Variants in DOCK9 observed in about 807,000 individuals in gnomAD.
The protein encoded by DOCK9 is dedicator of cytokinesis 9, also known as dedicator of cytokinesis protein 9.
A neutral mutation model predicts 263.3 loss-of-function variants in DOCK9; 89 were observed. The observed-to-expected ratio is 0.34, with a 90% CI of 0.28 to 0.40. DOCK9 has a LOEUF of 0.40. DOCK9 is among the 10% of genes least tolerant of loss of function. DOCK9 has a pLI of 1.00. For synonymous variants in DOCK9, 976 were observed against 973.1 expected (o/e 1.00, Z -0.06); for missense variants, 2,140 against 2,603.4 (o/e 0.82, Z 3.87).
At position 98,796,271 on chromosome 13, in the gene DOCK9, C is replaced by T. The variant is rs138415194; in HGVS notation, c.6156+844G>A. On this transcript the variant is annotated intron_variant, in intron 52 of 52. Transcript: ENST00000682017. ...AAGTGAGTTAAAGCTCACACACTGA[C>T]GTTCGTTTCCTGCAATGAAAATGTA... 243 of 1,451,228 alleles carry T rather than the reference C, an allele frequency of 1.7e-4. 2 individuals carry two copies. In the African/African-American group the frequency reaches 3.0e-3, roughly 18 times the overall value. The allele number at this position is 1,451,228 out of a possible 1,614,324, so 89.9% of individuals were successfully genotyped here.
rs532217839 is a variant in DOCK9, at chr13:98,807,743, G to C, written c.5432C>G (p.Ser1811Trp). 1 of 1,613,636 alleles carries C rather than the reference G, an allele frequency of 6.2e-7. No individual in the cohort carries two copies. The highest frequency in any genetic ancestry group is 2.2e-5 in the East Asian group (1 of 44,866). The change falls in exon 48 of 53, where the codon TCG becomes TGG. Residue 1811 changes from serine to tryptophan, a missense_variant. Physicochemically the swap from Ser to Trp is radical, Grantham distance 177 (BLOSUM62 -3). Transcript: ENST00000682017. ...IYKEPKLTPL[S>W]EISQRLLKLY... is the part of the protein sequence containing the mutation. ...TTTAAGGAGTCTCTGAGAAATTTCC[G>C]ACAGCGGTGTGAGTTTGGGTTCCTT... is the stretch of plus-strand genomic sequence containing the variant.
At chr13:98,879,438 C>T (rs1468689568) in intron 27 of DOCK9, among the ~76,000 whole-genome samples, 1 of 152,172 alleles carries the variant, frequency 6.6e-6, no homozygotes, top group Non-Finnish European at 1.5e-5. Context: ...ATACTCCCAT[C>T]TAAGAATAAA....
At chr13:98,884,158 AT>A (rs1594949834) in intron 21 of DOCK9, among the ~76,000 whole-genome samples, 1 of 152,156 alleles carries the variant, frequency 6.6e-6, no homozygotes, top group East Asian at 1.9e-4. Flanking sequence ...GTTATTGTTC[AT>A]TTGAGAGGGA....
At chr13:99,004,362 TA>T (rs1282956611) in intron 1 of DOCK9, among the ~76,000 whole-genome samples, 1 of 152,162 alleles carries the variant, frequency 6.6e-6, no homozygotes, top group Non-Finnish European at 1.5e-5. Flanking sequence ...TCTTCAACAA[TA>T]AAGAAAGCAC....
chr13:98,979,548 G>A (rs548121300), upstream of DOCK9, among the ~76,000 whole-genome samples: 4 of 152,196 alleles, frequency 2.6e-5, no homozygotes, highest in African/African-American at 7.2e-5. Flanking sequence ...GAACCCTTCT[G>A]AGTGTGAATA....
chr13:98,915,066 G>A (rs2050667550), intron 8 of DOCK9, among the ~76,000 whole-genome samples: 1 of 152,160 alleles, frequency 6.6e-6, no homozygotes, highest in South Asian at 2.1e-4. Flanking sequence ...CTGAAATACA[G>A]TATTTATGGC....
Position 98,800,484 on chromosome 13 carries a change from G to C in DOCK9, c.5726-6C>G, listed in dbSNP as rs747928384. ...ATAAGGGAAGCAGTGTATGGCTGCA[G>C]AGGGTAAGCCCCAGAATTACTGCAT... On this transcript the variant is annotated splice_polypyrimidine_tract_variant and splice_region_variant and intron_variant, in intron 49 of 52. Coordinates refer to ENST00000682017, the MANE Select transcript of DOCK9 (RefSeq NM_001366683.2). 3 of 1,613,234 alleles carry C rather than the reference G, an allele frequency of 1.9e-6. No individual in the cohort carries two copies. In the East Asian group the frequency reaches 6.7e-5, roughly 36 times the overall value.
chr13:99,037,811 CACA>C (rs1466572694), intron 1 of DOCK9, among the ~76,000 whole-genome samples: 2 of 152,170 alleles, frequency 1.3e-5, no homozygotes, highest in Admixed American at 6.5e-5. Context: ...TTCTGATACA[CACA>C]ACAACATGGA....
chr13:99,043,445 T>A (rs551715302), intron 1 of DOCK9, among the ~76,000 whole-genome samples: 2 of 152,198 alleles, frequency 1.3e-5, no homozygotes, highest in African/African-American at 4.8e-5. Flanking sequence ...GGCTCTCTTC[T>A]CCCTGAGAAG....
At chr13:98,853,362 CA>C (rs2093623564) in intron 35 of DOCK9, 45 bp downstream of exon 35, 1 of 1,291,738 alleles carries the variant, frequency 7.7e-7, no homozygotes, top group African/African-American at 1.5e-5. Flanking sequence ...CCAAACAAAC[CA>C]AGTGCTGAAA....
intron 11 of DOCK9, 75 bp downstream of exon 11, chr13:98,902,897 G>T: frequency 7.5e-7 from 1 of 1,327,572 alleles, no homozygotes; most frequent in Non-Finnish European, 1.0e-6. Context: ...TTCTTATCCA[G>T]GCTGCACTGT....
At chr13:99,038,617 C>T (rs146493571) in intron 1 of DOCK9, among the ~76,000 whole-genome samples, 15 of 152,124 alleles carry the variant, frequency 9.9e-5, no homozygotes, top group African/African-American at 3.4e-4. Context: ...ATGCCACTTT[C>T]AACTCAAAAC....
intron 37 of DOCK9, chr13:98,847,625 A>T: frequency 6.6e-6 from 1 of 152,238 alleles, no homozygotes; most frequent in Non-Finnish European, 1.5e-5. Flanking sequence ...GAAAAAGAAA[A>T]TCTTCACAAA....
chr13:98,897,455 T>C, intron 15 of DOCK9, 33 bp downstream of exon 15: 2 of 1,611,648 alleles, frequency 1.2e-6, no homozygotes, highest in Non-Finnish European at 1.7e-6. Flanking sequence ...AGCTTCTATT[T>C]TTCAGGTGTG....
At chr13:98,972,167 A>G (rs2059802411) in intron 1 of DOCK9, among the ~76,000 whole-genome samples, 1 of 152,218 alleles carries the variant, frequency 6.6e-6, no homozygotes, top group African/African-American at 2.4e-5. Context: ...CTCGTCTGAA[A>G]AAGAATAGAG....
upstream of DOCK9, among the ~76,000 whole-genome samples, chr13:98,981,151 G>A (rs1293189489): frequency 6.6e-6 from 1 of 151,478 alleles, no homozygotes; most frequent in East Asian, 1.9e-4. Context: ...CCACCTCCTG[G>A]GCTCATGCAA....
chr13:98,908,900 T>C (rs573813189), intron 9 of DOCK9, among the ~76,000 whole-genome samples: 2 of 152,368 alleles, frequency 1.3e-5, no homozygotes, highest in East Asian at 3.9e-4. Flanking sequence ...ATATGTACTT[T>C]CACAATCTAA....
At chr13:98,816,623 A>G (rs149529913) in intron 45 of DOCK9, among the ~76,000 whole-genome samples, 1 of 152,020 alleles carries the variant, frequency 6.6e-6, no homozygotes, top group African/African-American at 2.4e-5. Flanking sequence ...GGGAGGCGGG[A>G]AAGAGCAGCA....
intron 1 of DOCK9, among the ~76,000 whole-genome samples, chr13:99,043,581 G>A (rs917898018): frequency 6.6e-6 from 1 of 152,264 alleles, no homozygotes; most frequent in East Asian, 1.9e-4. Flanking sequence ...CGGGGAGAGA[G>A]GGAGGCTGCC....
Sources: allele counts gnomAD v4.1 joint callset (sites outside exome capture counted in the v4.1 genomes callset), GRCh38; gene constraint gnomAD v4.1.1; transcripts MANE v1.5; gene names NCBI Gene and HGNC (gene_info 2026-07-23, HGNC 2026-07-21).